The following CSMD2 variants were observed in gnomAD, a reference collection of about 807,000 sequenced individuals.
CSMD2 encodes CUB and Sushi multiple domains 2, also known as CUB and sushi domain-containing protein 2.
In CSMD2, 130 loss-of-function variants were observed where a neutral mutation model predicts 398.5. The ratio of observed to expected loss-of-function variants is 0.33; its 90% CI spans 0.28 to 0.38. CSMD2 has a LOEUF of 0.38. Ranked by LOEUF, CSMD2 falls within the 10% of genes least tolerant of loss-of-function variation. The probability of loss-of-function intolerance (pLI) is 1.00; values close to 1 mark genes in which losing one functional copy is unlikely to be tolerated. For synonymous variants in CSMD2, 1,828 were observed against 1,908.5 expected, an observed-to-expected ratio of 0.96 and a Z score of 1.10; for missense variants, 3,829 against 4,764.9, an observed-to-expected ratio of 0.80 and a Z score of 5.78.
At chr1:34,141,461 G>C (rs191169931) in intron 1 of CSMD2, among the ~76,000 whole-genome samples, 131 of 152,292 alleles carry the variant, frequency 8.6e-4, no homozygotes, top group African/African-American at 3.1e-3. Context: ...CTGTGGATGA[G>C]GGGGTTGAGG....
chr1:34,110,022 C>T (rs1315161057), intron 1 of CSMD2, among the ~76,000 whole-genome samples: 6 of 95,578 alleles, frequency 6.3e-5, no homozygotes, highest in Non-Finnish European at 1.1e-4. Context: ...GCCTGGGTGA[C>T]AGAACGAGAC....
At position 34,029,733 on chromosome 1, in the gene CSMD2, T is replaced by C. The variant is rs549590848; in HGVS notation, c.517+2861A>G. 2.0e-5 allele frequency among the ~76,000 whole-genome samples: 3 copies of C among 152,342 alleles called. No homozygotes were observed. In the South Asian group the frequency reaches 6.2e-4, roughly 32 times the overall value. On this transcript the variant is annotated intron_variant, in intron 3 of 70. Transcript: ENST00000373381. ...CATCCTGCGTAGTTTGCAGAAACCCTGCAACAGGTGACTGCATAGAGACTC... is the reference window on the plus strand; with the variant it reads ...CATCCTGCGTAGTTTGCAGAAACCCCGCAACAGGTGACTGCATAGAGACTC...
intron 5 of CSMD2, among the ~76,000 whole-genome samples, chr1:33,911,919 G>A (rs1242510841): frequency 1.3e-5 from 2 of 152,162 alleles, no homozygotes; most frequent in Non-Finnish European, 2.9e-5. Flanking sequence ...AGGGATCAAG[G>A]AACTCCCACA....
intron 25 of CSMD2, among the ~76,000 whole-genome samples, chr1:33,676,742 G>A (rs1417128280): frequency 3.9e-5 from 6 of 152,088 alleles, no homozygotes; most frequent in Admixed American, 6.6e-5. Flanking sequence ...AAACAGCATG[G>A]TACTGGTACC....
intron 29 of CSMD2, among the ~76,000 whole-genome samples, chr1:33,641,126 A>G (rs1281668447): frequency 6.6e-6 from 1 of 152,164 alleles, no homozygotes; most frequent in African/African-American, 2.4e-5. Context: ...AGGCCTTCAC[A>G]GCAACCCTTC....
intron 3 of CSMD2, among the ~76,000 whole-genome samples, chr1:34,027,374 G>C (rs1256262964): frequency 6.6e-6 from 1 of 152,218 alleles, no homozygotes; most frequent in Non-Finnish European, 1.5e-5. Context: ...TTGTAACACT[G>C]GCAAGGTGGG....
intron 3 of CSMD2, among the ~76,000 whole-genome samples, chr1:33,985,552 G>A (rs772362837): frequency 6.6e-6 from 1 of 152,186 alleles, no homozygotes; most frequent in Admixed American, 6.5e-5. Flanking sequence ...CAGTGGAGTC[G>A]AAACGTACCC....
chr1:34,151,452 G>C (rs12096527), intron 1 of CSMD2, among the ~76,000 whole-genome samples: 109,705 of 151,990 alleles, frequency 0.72, 41,018 homozygotes, highest in Non-Finnish European at 0.82. Context: ...GCAGCAAGGT[G>C]AAAGGTCAGG....
chr1:34,153,685 C>T (rs761763221), intron 1 of CSMD2, among the ~76,000 whole-genome samples: 4 of 152,172 alleles, frequency 2.6e-5, no homozygotes, highest in Non-Finnish European at 4.4e-5. Flanking sequence ...CTGGGGCCTT[C>T]GGGAAACACA....
chr1:33,800,559 GGCT>G (rs1655471444), intron 10 of CSMD2, among the ~76,000 whole-genome samples: 1 of 152,156 alleles, frequency 6.6e-6, no homozygotes, highest in African/African-American at 2.4e-5. Flanking sequence ...AAGATAACAT[GGCT>G]GCTGCCAATA....
At chr1:33,599,869 G>T in intron 44 of CSMD2, 1 of 385,572 alleles carries the variant, frequency 2.6e-6, no homozygotes. Context: ...CACAGTCTTA[G>T]TGTGTTTCTG....
At chr1:33,546,271 G>C in intron 56 of CSMD2, 52 bp from the exon 57 acceptor site, 2 of 1,550,260 alleles carry the variant, frequency 1.3e-6, no homozygotes, top group Non-Finnish European at 8.8e-7. Context: ...AGAAAAGGGA[G>C]TGGAGAAGCA....
At chr1:33,811,702 A>C (rs1180501191) in intron 9 of CSMD2, among the ~76,000 whole-genome samples, 3 of 152,252 alleles carry the variant, frequency 2.0e-5, no homozygotes, top group African/African-American at 7.2e-5. Context: ...TAATTAGATT[A>C]AGTAGTGATT....
At chr1:34,153,344 A>T (rs553709853) in intron 1 of CSMD2, among the ~76,000 whole-genome samples, 6 of 152,288 alleles carry the variant, frequency 3.9e-5, no homozygotes, top group African/African-American at 1.4e-4. Context: ...ACTTAGCATG[A>T]TGTCCTCAAG....
At chr1:33,844,018 C>T (rs960899056) in intron 6 of CSMD2, among the ~76,000 whole-genome samples, 5 of 152,198 alleles carry the variant, frequency 3.3e-5, no homozygotes, top group African/African-American at 7.2e-5. Context: ...CCTTTGACTC[C>T]ACCCTCACCT....
intron 22 of CSMD2, among the ~76,000 whole-genome samples, chr1:33,706,787 C>T (rs1456404945): frequency 6.7e-6 from 1 of 150,272 alleles, no homozygotes; most frequent in African/African-American, 2.5e-5. Flanking sequence ...TGTGCATGTA[C>T]GTGTGTGTGT....
intron 25 of CSMD2, among the ~76,000 whole-genome samples, chr1:33,682,123 A>G (rs1005899922): frequency 2.0e-5 from 3 of 152,206 alleles, no homozygotes; most frequent in African/African-American, 7.2e-5. Context: ...TGCCTCTTCC[A>G]ATTTCTGATG....
intron 1 of CSMD2, among the ~76,000 whole-genome samples, chr1:34,125,542 T>C (rs1316302469): frequency 6.6e-6 from 1 of 151,104 alleles, no homozygotes; most frequent in Non-Finnish European, 1.5e-5. Flanking sequence ...TGTGTGTGTG[T>C]GTGTGTGTGT....
intron 6 of CSMD2, 109 bp downstream of exon 6, chr1:33,846,775 G>C: frequency 1.8e-6 from 1 of 560,032 alleles, no homozygotes; most frequent in Non-Finnish European, 3.1e-6. Context: ...TACAAAGAAG[G>C]CAAGGATGCC....
Sources: allele counts gnomAD v4.1 joint callset (sites outside exome capture counted in the v4.1 genomes callset), GRCh38; gene constraint gnomAD v4.1.1; transcripts MANE v1.5; gene names NCBI Gene and HGNC (gene_info 2026-07-23, HGNC 2026-07-21).